DHX32: variants seen among roughly 807,000 people sequenced by gnomAD.
DHX32 encodes the protein putative pre-mRNA-splicing factor ATP-dependent RNA helicase DHX32.
A neutral mutation model predicts 70.0 loss-of-function variants in DHX32; 51 were observed. The ratio of observed to expected loss-of-function variants is 0.73; its 90% CI spans 0.58 to 0.92. DHX32 has a LOEUF of 0.92. Ranked by LOEUF, DHX32 falls within the 40% of genes least tolerant of loss-of-function variation. The probability of loss-of-function intolerance (pLI) is 0.00; values close to 1 mark genes in which losing one functional copy is unlikely to be tolerated. For synonymous variants in DHX32, 310 were observed against 315.3 expected (o/e 0.98, Z 0.18); for missense variants, 762 against 891.8 (o/e 0.85, Z 1.85).
At position 125,839,218 on chromosome 10, in the gene DHX32, G is replaced by T. The variant is rs141930160; in HGVS notation, c.1694-30C>A. The T allele has an allele frequency of 2.5e-6, 4 of 1,604,400 alleles. No homozygotes were observed. The African/African-American group carries it at 5.3e-5, about 21-fold the overall frequency. ...GAGGGAAAGAACACAAGGCTATTTA[G>T]AAATGATTTGTCAGAAGCTCTGAAG... On this transcript the variant is annotated intron_variant, in intron 8 of 10. Transcript: ENST00000284690.
At chr10:125,842,820 CTT>C (rs879067600) in intron 6 of DHX32, 1 of 940,224 alleles carries the variant, frequency 1.1e-6, no homozygotes, top group African/African-American at 1.8e-5. Flanking sequence ...CTCTCCATCT[CTT>C]TATTTCTTTT....
At chr10:125,860,651 A>T (rs1944180910) in intron 2 of DHX32, among the ~76,000 whole-genome samples, 1 of 152,160 alleles carries the variant, frequency 6.6e-6, no homozygotes, top group African/African-American at 2.4e-5. Flanking sequence ...ATGATTTTTT[A>T]AAATTAAAAT....
intron 2 of DHX32, among the ~76,000 whole-genome samples, chr10:125,861,857 T>G (rs1944190689): frequency 6.6e-6 from 1 of 152,060 alleles, no homozygotes; most frequent in African/African-American, 2.4e-5. Flanking sequence ...CATGAACCTT[T>G]CTAGCAAATC....
At chr10:125,841,186 T>C in intron 7 of DHX32, 190 bp from the exon 8 acceptor site, 1 of 1,448,090 alleles carries the variant, frequency 6.9e-7, no homozygotes, top group African/African-American at 1.4e-5. Context: ...TCCCTCTCCT[T>C]TTGTGTGTGT....
Position 125,841,904 on chromosome 10 carries a change from T to A in DHX32, c.1382A>T (p.Asp461Val), listed in dbSNP as rs2134027911. The A allele has an allele frequency of 6.2e-7, 1 of 1,605,662 alleles. No individual in the cohort carries two copies. Among genetic ancestry groups the A allele is most frequent in the East Asian group, 2.2e-5 (1 of 44,780 alleles). The change falls in exon 7 of 11, where the codon GAC (aspartate) becomes GTC (valine). Residue 461 changes from aspartate (D) to valine (V), a missense_variant. Physicochemically the swap from Asp to Val is radical, Grantham distance 152. Around this residue, in one of 3 missense-constraint regions of DHX32, gnomAD observed 366 missense variants for 402.6 expected, o/e 0.91. Transcript: ENST00000284690. ...APESLMQALE[D>V]LDYLAALDND... ...ATCCAGTGCTGCCAGATAATCTAAG[T>A]CTTCCAATGCCTGCATCAAACTTTC...
At chr10:125,874,306 A>G (rs1484196548) in intron 1 of DHX32, among the ~76,000 whole-genome samples, 2 of 152,224 alleles carry the variant, frequency 1.3e-5, no homozygotes, top group Non-Finnish European at 2.9e-5. Flanking sequence ...TGCTCCCACT[A>G]TCTAAATTAG....
At chr10:125,893,426 G>C (rs1385082197) in intron 1 of DHX32, among the ~76,000 whole-genome samples, 2 of 152,044 alleles carry the variant, frequency 1.3e-5, no homozygotes, top group Non-Finnish European at 2.9e-5. Flanking sequence ...TGTATTTTTA[G>C]TAGAGACGGG....
chr10:125,862,547 A>G (rs1944196704), intron 2 of DHX32, among the ~76,000 whole-genome samples: 1 of 152,000 alleles, frequency 6.6e-6, no homozygotes, highest in Admixed American at 6.6e-5. Context: ...ATGCTGCCCC[A>G]TAAGATTGAG....
chr10:125,862,654 T>C (rs1944197435), intron 2 of DHX32, among the ~76,000 whole-genome samples: 2 of 152,204 alleles, frequency 1.3e-5, no homozygotes, highest in Admixed American at 1.3e-4. Flanking sequence ...CAGCAAGGCC[T>C]AGCCTTACAG....
Position 125,836,744 on chromosome 10 carries a change from C to G in DHX32, c.2175G>C (p.Lys725Asn). ...DHLSPVSTMN[K>N]EQQMCETCPE... ...GGCACGTCTCACACATTTGCTGTTC[C>G]TTATTCATTGTTGACACAGGGGATA... Residue 725 changes from lysine (K) to asparagine (N), a missense_variant, in exon 11 of 11, where the codon AAG (lysine) becomes AAC (asparagine). By Grantham distance (94) the Lys-to-Asn change is moderately conservative. Transcript: ENST00000284690. 1 of 1,614,136 alleles carries G rather than the reference C, an allele frequency of 6.2e-7. No homozygotes were observed. The highest frequency in any genetic ancestry group is 1.1e-5 in the South Asian group (1 of 91,078).
chr10:125,853,303 T>A, intron 4 of DHX32: 1 of 955,498 alleles, frequency 1.0e-6, no homozygotes, highest in Non-Finnish European at 1.5e-6. Flanking sequence ...TCTCGGCACC[T>A]AGTAATGGTA....
chr10:125,838,215 G>T lies in DHX32; in HGVS notation c.2054C>A (p.Ser685Tyr). 6.2e-7 allele frequency: 1 copy of T among 1,603,160 alleles called. No homozygotes were observed. Among genetic ancestry groups the T allele is most frequent in the South Asian group, 1.1e-5 (1 of 87,984 alleles). The change falls in exon 10 of 11, where the codon TCT becomes TAT. Residue 685 changes from serine (S) to tyrosine (Y), a missense_variant. By Grantham distance (144) the Ser-to-Tyr change is moderately radical. Coordinates refer to ENST00000284690, the MANE Select transcript of DHX32 (RefSeq NM_018180.3). ...NNYIRITSEI[S>Y]PELFMQLVPQ... ...TCTCCATTAAACTTACAGTTCAGGAGAGATTTCTGAGGTAATCCTGATGTA... is the reference window on the plus strand; with the variant it reads ...TCTCCATTAAACTTACAGTTCAGGATAGATTTCTGAGGTAATCCTGATGTA...
At position 125,839,093 on chromosome 10, in the gene DHX32, G is replaced by A. The variant is rs755929633; in HGVS notation, c.1789C>T (p.Arg597Ter). 2.5e-6 allele frequency: 4 copies of A among 1,614,042 alleles called. No individual in the cohort carries two copies. Among genetic ancestry groups the A allele is most frequent in the African/African-American group, 1.3e-5 (1 of 74,918 alleles). ...IRAELLEIIK[R>*]IELPYAEPAF... ...GGTTCTGCATAGGGAAGCTCGATTCGCTTGATAATTTCTAAGAGTTCAGCT... is the reference window on the plus strand; with the variant it reads ...GGTTCTGCATAGGGAAGCTCGATTCACTTGATAATTTCTAAGAGTTCAGCT... Residue 597 changes from arginine to a stop codon, truncating the protein, a stop_gained, in exon 9 of 11, where the codon CGA becomes TGA. Coordinates refer to ENST00000284690, the MANE Select transcript of DHX32 (RefSeq NM_018180.3). LOFTEE classifies it high-confidence loss of function.
At chr10:125,858,461 G>A (rs1944162235) in intron 3 of DHX32, among the ~76,000 whole-genome samples, 1 of 152,152 alleles carries the variant, frequency 6.6e-6, no homozygotes, top group South Asian at 2.1e-4. Flanking sequence ...TACAAAAAAT[G>A]ATAAATATGC....
rs957235563 is a variant in DHX32 at position 125,852,189 on chromosome 10, T to C, written c.1351+104A>G. ...TCAGTCCAAACCAACGCCCCCTCCA[T>C]GCTTGTGTGCATTGCTGCGCATCAT... is the stretch of plus-strand genomic sequence containing the variant. On this transcript the variant is annotated intron_variant, in intron 6 of 10. Coordinates refer to ENST00000284690, the MANE Select transcript of DHX32 (RefSeq NM_018180.3). 7 of 1,402,426 alleles carry C rather than the reference T, an allele frequency of 5.0e-6. No individual in the cohort carries two copies. The East Asian group carries it at 7.3e-5, about 15-fold the overall frequency. The allele number at this position is 1,402,426 out of a possible 1,614,324, so 86.9% of individuals were successfully genotyped here.
In DHX32 at chr10:125,852,550, A is replaced by C; in HGVS notation, c.1185T>G (p.Ser395=). ...AEIRKQILGS[S]SSGKFFCLYT... ...TTGTGTCCACAGCACTACCTGAAGA[A>C]GATGAGCCAAGAATCTGCTTGCGTA... The change falls in exon 5 of 11, where the codon TCT becomes TCG. Residue 395 remains serine, a synonymous_variant. Transcript: ENST00000284690. The C allele has an allele frequency of 1.2e-6, 2 of 1,613,552 alleles. No homozygotes were observed. The highest frequency in any genetic ancestry group is 1.7e-6 in the Non-Finnish European group (2 of 1,179,756).
In DHX32 at chr10:125,836,728, C is replaced by G. The variant is rs745318505; in HGVS notation, c.2191G>C (p.Glu731Gln). 1.1e-5 allele frequency: 18 copies of G among 1,614,068 alleles called. No homozygotes were observed. In the Admixed American group the frequency reaches 3.0e-4, roughly 27 times the overall value. Residue 731 changes from glutamate (E) to glutamine (Q), a missense_variant, in exon 11 of 11, where the codon GAG becomes CAG. This residue lies in a region of DHX32 where 366 missense variants were observed against 402.6 expected (regional missense o/e 0.91). Coordinates refer to ENST00000284690, the MANE Select transcript of DHX32 (RefSeq NM_018180.3). ...CTCTGTTCAGTTTCAGGGCACGTCT[C>G]ACACATTTGCTGTTCCTTATTCATT... ...STMNKEQQMC[E>Q]TCPETEQRCT...
chr10:125,846,325 C>T (rs565499007), intron 6 of DHX32, among the ~76,000 whole-genome samples: 80 of 152,160 alleles, frequency 5.3e-4, no homozygotes, highest in African/African-American at 1.9e-3. Context: ...AACTGGCAGC[C>T]CCAGAACAAC....
chr10:125,858,316 CTA>C lies in DHX32; in HGVS notation c.849+1285_849+1286del, dbSNP rs574570220. Among the ~76,000 whole-genome samples the C allele has an allele frequency of 7.7e-4, 117 of 152,252 alleles. 1 individual carries two copies. In the East Asian group the frequency reaches 0.021, roughly 28 times the overall value. Reference sequence around the variant, plus strand: ...GAACCTCCAACTGTTTTCATAAATCCTATGTCTCCGTAATCATTTTATTATTT... The same window carrying C: ...GAACCTCCAACTGTTTTCATAAATCCTGTCTCCGTAATCATTTTATTATTT... On this transcript the variant is annotated intron_variant, in intron 3 of 10. Coordinates refer to ENST00000284690, the MANE Select transcript of DHX32 (RefSeq NM_018180.3).
Sources: allele counts gnomAD v4.1 joint callset (sites outside exome capture counted in the v4.1 genomes callset), GRCh38; gene constraint gnomAD v4.1.1; regional missense constraint gnomAD v4.1.1; transcripts MANE v1.5; gene names NCBI Gene and HGNC (gene_info 2026-07-23, HGNC 2026-07-21).